The following LRP1B variants were observed in gnomAD, a reference collection of about 807,000 sequenced individuals.
LRP1B encodes low-density lipoprotein receptor-related protein 1B.
Under a neutral mutation model 556.6 loss-of-function variants are expected in LRP1B, and 217 were observed. The observed-to-expected ratio is 0.39, with a 90% CI of 0.35 to 0.44. The LOEUF is 0.44. Among genes scored for constraint, LRP1B ranks in the 20% least tolerant of loss-of-function variants. The pLI is 1.00. For missense variants in LRP1B, 5,053 were observed against 5,620.8 expected, an observed-to-expected ratio of 0.90 and a Z score of 3.23; for synonymous variants, 2,047 against 1,865.8, an observed-to-expected ratio of 1.10 and a Z score of -2.50.
intron 87 of LRP1B, among the ~76,000 whole-genome samples, chr2:140,242,754 C>T (rs755476117): frequency 6.6e-6 from 1 of 150,632 alleles, no homozygotes; most frequent in Non-Finnish European, 1.5e-5. Flanking sequence ...AAGAGGATTA[C>T]GATTAAGGAA....
At chr2:140,957,680 C>T (rs529052439) in intron 18 of LRP1B, among the ~76,000 whole-genome samples, 6 of 151,362 alleles carry the variant, frequency 4.0e-5, no homozygotes, top group Admixed American at 6.6e-5. Context: ...TATATAAAAA[C>T]GTTGCCTGTG....
intron 6 of LRP1B, among the ~76,000 whole-genome samples, chr2:141,202,004 G>A (rs1682044290): frequency 6.6e-6 from 1 of 151,940 alleles, no homozygotes; most frequent in African/African-American, 2.4e-5. Flanking sequence ...GGATGTGCAG[G>A]TTTGTTACAC....
chr2:141,214,968 C>T (rs1682730739), intron 6 of LRP1B, among the ~76,000 whole-genome samples: 1 of 152,204 alleles, frequency 6.6e-6, no homozygotes, highest in Non-Finnish European at 1.5e-5. Context: ...CAGATAGGCA[C>T]TTTGCTAAAA....
At chr2:141,141,910 G>A (rs1701662317) in intron 7 of LRP1B, among the ~76,000 whole-genome samples, 1 of 151,902 alleles carries the variant, frequency 6.6e-6, no homozygotes, top group African/African-American at 2.4e-5. Context: ...TTTGTGCATT[G>A]GTTAGATACT....
chr2:141,184,408 A>C (rs921977362), intron 7 of LRP1B, among the ~76,000 whole-genome samples: 1 of 151,966 alleles, frequency 6.6e-6, no homozygotes, highest in African/African-American at 2.4e-5. Flanking sequence ...GAAGTAGATC[A>C]TAAGAACCTC....
chr2:140,393,795 G>T (rs973532233), intron 66 of LRP1B, among the ~76,000 whole-genome samples: 1 of 152,116 alleles, frequency 6.6e-6, no homozygotes, highest in African/African-American at 2.4e-5. Flanking sequence ...CACAAGGATG[G>T]AGTTAGAACT....
chr2:140,801,582 A>AT (rs10545209), intron 32 of LRP1B, among the ~76,000 whole-genome samples: 3,011 of 147,102 alleles, frequency 0.02, 119 homozygotes, highest in East Asian at 0.16. Context: ...AATCTTACTA[A>AT]TTTTTTTTTT....
At chr2:140,460,771 G>A (rs1355446939) in intron 60 of LRP1B, among the ~76,000 whole-genome samples, 1 of 152,064 alleles carries the variant, frequency 6.6e-6, no homozygotes, top group Non-Finnish European at 1.5e-5. Context: ...ACAGCATTAT[G>A]TATTGTACTG....
intron 11 of LRP1B, among the ~76,000 whole-genome samples, chr2:141,027,022 C>T (rs908912980): frequency 5.3e-5 from 8 of 151,684 alleles, no homozygotes; most frequent in Non-Finnish European, 1.2e-4. Flanking sequence ...CAAATTTGAC[C>T]TCTAGAATTG....
chr2:141,105,911 A>C (rs1700591912), intron 7 of LRP1B, among the ~76,000 whole-genome samples: 1 of 151,984 alleles, frequency 6.6e-6, no homozygotes, highest in Non-Finnish European at 1.5e-5. Flanking sequence ...GACCACAATC[A>C]TCCTCTTAAA....
intron 2 of LRP1B, among the ~76,000 whole-genome samples, chr2:141,691,160 T>C (rs975433753): frequency 6.6e-6 from 1 of 151,864 alleles, no homozygotes; most frequent in Admixed American, 6.6e-5. Context: ...CTTTACCTAA[T>C]AGATGGCCTG....
chr2:141,096,437 A>T (rs1204913862), intron 7 of LRP1B, among the ~76,000 whole-genome samples: 1 of 151,858 alleles, frequency 6.6e-6, no homozygotes, highest in Non-Finnish European at 1.5e-5. Flanking sequence ...AAAATACAAA[A>T]ATTATCCCGG....
At chr2:140,340,876 TACCTA>T (rs760018639) in intron 77 of LRP1B, among the ~76,000 whole-genome samples, 7 of 151,500 alleles carry the variant, frequency 4.6e-5, no homozygotes, top group Non-Finnish European at 7.4e-5. Flanking sequence ...CCAATGTTTA[TACCTA>T]ACCTATTTCA....
intron 7 of LRP1B, among the ~76,000 whole-genome samples, chr2:141,176,534 C>T (rs574811403): frequency 8.5e-5 from 13 of 152,102 alleles, no homozygotes; most frequent in African/African-American, 3.1e-4. Flanking sequence ...TGTAAGTTTC[C>T]TGAGGCCAAG....
intron 35 of LRP1B, among the ~76,000 whole-genome samples, chr2:140,757,027 A>G (rs1305094283): frequency 2.6e-5 from 4 of 152,214 alleles, no homozygotes; most frequent in African/African-American, 9.6e-5. Context: ...TTCTTCATAT[A>G]CACATATAAA....
intron 41 of LRP1B, chr2:140,683,732 C>A: frequency 1.2e-6 from 1 of 849,170 alleles, no homozygotes. Flanking sequence ...GCTCCCCGGG[C>A]TAGTCGATCC....
At chr2:140,416,619 C>G (rs2105257964) in intron 66 of LRP1B, among the ~76,000 whole-genome samples, 1 of 152,018 alleles carries the variant, frequency 6.6e-6, no homozygotes, top group South Asian at 2.1e-4. Flanking sequence ...TCATGCACTG[C>G]ACTCCAGCCT....
At chr2:140,961,335 A>G (rs1696027213) in intron 18 of LRP1B, among the ~76,000 whole-genome samples, 1 of 152,044 alleles carries the variant, frequency 6.6e-6, no homozygotes, top group South Asian at 2.1e-4. Flanking sequence ...TCACAAAGGA[A>G]TTCCATAAAA....
chr2:141,291,622 C>T (rs1040178557), intron 3 of LRP1B, among the ~76,000 whole-genome samples: 6 of 151,802 alleles, frequency 4.0e-5, no homozygotes, highest in South Asian at 2.1e-4. Context: ...TTTGGGAGGC[C>T]GAGGCAGGCG....
Sources: gnomAD v4.1 joint callset for allele counts (sites outside exome capture counted in the v4.1 genomes callset) on GRCh38, gnomAD v4.1.1 for gene constraint, MANE v1.5 for transcripts, NCBI Gene and HGNC (gene_info 2026-07-23, HGNC 2026-07-21) for gene names.